The following CYTH1 variants were observed in gnomAD, a reference collection of about 807,000 sequenced individuals.
The protein encoded by CYTH1 is cytohesin 1.
In CYTH1, 18 loss-of-function variants were observed where a neutral mutation model predicts 61.8. The observed-to-expected ratio is 0.29, with a 90% CI of 0.20 to 0.43. The LOEUF is 0.43. CYTH1 is among the 20% of genes least tolerant of loss of function. The pLI is 1.00. For synonymous variants in CYTH1, 174 were observed against 184.3 expected, an observed-to-expected ratio of 0.94 and a Z score of 0.45; for missense variants, 336 against 510.5, an observed-to-expected ratio of 0.66 and a Z score of 3.29.
rs191571988 is a variant in CYTH1, at chr17:78,723,009, T to A, written c.23-13277A>T. ...CAGGCTTAGAAGAAACGACACTGAA[T>A]GCCTGGATACCTATCCAAAAGTGTA... On this transcript the variant is annotated intron_variant, in intron 1 of 13. Coordinates refer to ENST00000446868, the MANE Select transcript of CYTH1 (RefSeq NM_004762.6). 1.1e-3 allele frequency among the ~76,000 whole-genome samples: 162 copies of A among 152,294 alleles called. 1 individual carries two copies. The highest frequency in any genetic ancestry group is 1.8e-3 in the Admixed American group (28 of 15,302).
intron 1 of CYTH1, chr17:78,736,716 C>A: frequency 2.4e-6 from 1 of 422,872 alleles, no homozygotes. Flanking sequence ...GTTTTAAGGA[C>A]CATCTTGTTT....
At chr17:78,764,609 C>T (rs987866453) in intron 1 of CYTH1, among the ~76,000 whole-genome samples, 2 of 151,954 alleles carry the variant, frequency 1.3e-5, no homozygotes, top group Admixed American at 6.6e-5. Context: ...TATATAAACC[C>T]CAAAATAATG....
rs912715529 is a variant in CYTH1, at chr17:78,675,833, T to G, written c.*258A>C. 22 of 1,438,872 alleles carry G rather than the reference T, an allele frequency of 1.5e-5. No individual in the cohort carries two copies. Among genetic ancestry groups the G allele is most frequent in the Non-Finnish European group, 2.0e-5 (22 of 1,092,214 alleles). 89.1% of individuals were successfully genotyped at this position (1,438,872 alleles called of 1,614,324 possible). On this transcript the variant is annotated 3_prime_UTR_variant, in exon 14 of 14. Coordinates refer to ENST00000446868, the MANE Select transcript of CYTH1 (RefSeq NM_004762.6). ...AGAGAAACTGGCCAGGAGGCTGCCC[T>G]GCCGACAAGAGCTCTGCCCTGTGAG...
chr17:78,697,243 G>T (rs554943708), intron 9 of CYTH1, among the ~76,000 whole-genome samples: 1 of 150,242 alleles, frequency 6.7e-6, no homozygotes, highest in Non-Finnish European at 1.5e-5. Context: ...GGTATAGGAC[G>T]GAACAGCCCC....
At chr17:78,746,414 C>G (rs1293478574) in intron 1 of CYTH1, among the ~76,000 whole-genome samples, 3 of 152,158 alleles carry the variant, frequency 2.0e-5, no homozygotes, top group African/African-American at 7.2e-5. Context: ...TTACGCAACA[C>G]CTGCAAGATT....
intron 1 of CYTH1, among the ~76,000 whole-genome samples, chr17:78,729,236 T>C (rs185531080): frequency 3.3e-5 from 5 of 152,276 alleles, no homozygotes; most frequent in Admixed American, 1.3e-4. Context: ...GCCTCCAGAA[T>C]AGCTGGGACT....
In CYTH1 at chr17:78,706,029, T is replaced by C. The variant is rs749080194; in HGVS notation, c.170+2168A>G. Among the ~76,000 whole-genome samples, 9 of 152,370 alleles carry C rather than the reference T, an allele frequency of 5.9e-5. No individual in the cohort carries two copies. The South Asian group carries it at 1.9e-3, about 32-fold the overall frequency. On this transcript the variant is annotated intron_variant, in intron 3 of 13. Coordinates refer to ENST00000446868, the MANE Select transcript of CYTH1 (RefSeq NM_004762.6). ...CCTGATTATCTCTGGGATAAGTGTTTATGAGAAATTTGTTTTTTATACTTT... is the reference window on the plus strand; with the variant it reads ...CCTGATTATCTCTGGGATAAGTGTTCATGAGAAATTTGTTTTTTATACTTT...
intron 1 of CYTH1, among the ~76,000 whole-genome samples, chr17:78,762,308 T>C (rs1171546350): frequency 2.0e-5 from 3 of 152,192 alleles, no homozygotes; most frequent in African/African-American, 7.2e-5. Flanking sequence ...TTTTTGCACA[T>C]GCCTTCCCCT....
chr17:78,713,263 G>C (rs985012442), intron 1 of CYTH1, among the ~76,000 whole-genome samples: 1 of 151,940 alleles, frequency 6.6e-6, no homozygotes, highest in Non-Finnish European at 1.5e-5. Context: ...TCACAGCCCA[G>C]AAAAATTTCT....
chr17:78,780,322 A>T (rs941484825), intron 1 of CYTH1, among the ~76,000 whole-genome samples: 1 of 152,012 alleles, frequency 6.6e-6, no homozygotes, highest in African/African-American at 2.4e-5. Flanking sequence ...TAGGCAACAT[A>T]GGGAGACCTC....
chr17:78,723,752 A>G (rs1475036389), intron 1 of CYTH1: 1 of 152,360 alleles, frequency 6.6e-6, no homozygotes, highest in Admixed American at 6.5e-5. Flanking sequence ...AAGAATGCCA[A>G]CCTTACTCCA....
chr17:78,695,335 G>A (rs529166315), intron 10 of CYTH1, among the ~76,000 whole-genome samples: 1 of 152,276 alleles, frequency 6.6e-6, no homozygotes, highest in African/African-American at 2.4e-5. Context: ...TGATCCCCAG[G>A]AAACTAAACA....
At chr17:78,777,167 T>C (rs1422455906) in intron 1 of CYTH1, among the ~76,000 whole-genome samples, 1 of 147,350 alleles carries the variant, frequency 6.8e-6, no homozygotes, top group Non-Finnish European at 1.5e-5. Flanking sequence ...GGCTCACGCC[T>C]GTAATCCCAG....
chr17:78,716,701 C>A (rs2093183801), intron 1 of CYTH1, among the ~76,000 whole-genome samples: 1 of 152,202 alleles, frequency 6.6e-6, no homozygotes, highest in African/African-American at 2.4e-5. Flanking sequence ...ATAAACTTAA[C>A]AATGCAACAT....
chr17:78,766,748 G>C (rs192401335), intron 1 of CYTH1, among the ~76,000 whole-genome samples: 1 of 152,132 alleles, frequency 6.6e-6, no homozygotes, highest in Non-Finnish European at 1.5e-5. Context: ...TGAGAGGTCT[G>C]AGAAAAAGAA....
intron 1 of CYTH1, among the ~76,000 whole-genome samples, chr17:78,739,672 T>C (rs1456694280): frequency 1.3e-5 from 2 of 152,128 alleles, no homozygotes; most frequent in Non-Finnish European, 2.9e-5. Context: ...GTGGCTTCCT[T>C]TGTAACAAGA....
chr17:78,754,153 G>A (rs550346036), intron 1 of CYTH1, among the ~76,000 whole-genome samples: 2 of 152,234 alleles, frequency 1.3e-5, no homozygotes, highest in African/African-American at 4.8e-5. Context: ...AGCGCATCTA[G>A]ATAAACTCGG....
chr17:78,741,289 C>T (rs1364958123), intron 1 of CYTH1, among the ~76,000 whole-genome samples: 2 of 152,090 alleles, frequency 1.3e-5, no homozygotes, highest in Admixed American at 1.3e-4. Flanking sequence ...AATCCCAGCA[C>T]TTTGGGAGGC....
Position 78,677,253 on chromosome 17 carries a change from C to T in CYTH1, c.1119-1084G>A, listed in dbSNP as rs187892561. 565 of 373,544 alleles carry T rather than the reference C, an allele frequency of 1.5e-3. 1 individual carries two copies. The highest frequency in any genetic ancestry group is 2.5e-3 in the Non-Finnish European group (469 of 188,118). The allele number at this position is 373,544 out of a possible 1,614,324, so 23.1% of individuals were successfully genotyped here. On this transcript the variant is annotated intron_variant, in intron 13 of 13. Coordinates refer to ENST00000446868, the MANE Select transcript of CYTH1 (RefSeq NM_004762.6). The stretch of plus-strand genomic sequence containing the variant: ...AGGTGTTGGGGTGAATCTCCCTTGG[C>T]TTCCTGGGTAGGCCAACCCTTTCGG...
Sources: gnomAD v4.1 joint callset for allele counts (sites outside exome capture counted in the v4.1 genomes callset) on GRCh38, gnomAD v4.1.1 for gene constraint, MANE v1.5 for transcripts, NCBI Gene and HGNC (gene_info 2026-07-23, HGNC 2026-07-21) for gene names.